The following SCAND3 variants were observed in gnomAD, a reference collection of about 807,000 sequenced individuals.
SCAND3 encodes SCAN domain-containing protein 3.
chr6:28,614,832 A>G, the SCAND3 span, among the ~76,000 whole-genome samples: 1 of 152,174 alleles, frequency 6.6e-6, no homozygotes, highest in Admixed American at 6.5e-5. Flanking sequence ...TCTTCCAAAT[A>G]AAAATATTCC....
chr6:28,612,793 T>G, the SCAND3 span, among the ~76,000 whole-genome samples: 1 of 152,236 alleles, frequency 6.6e-6, no homozygotes, highest in Non-Finnish European at 1.5e-5. Context: ...TATCTGAAAG[T>G]GTCTTCTAAA....
At chr6:28,599,577 T>G in the SCAND3 span, among the ~76,000 whole-genome samples, 1 of 152,212 alleles carries the variant, frequency 6.6e-6, no homozygotes, top group Non-Finnish European at 1.5e-5. Flanking sequence ...TCATGAGATA[T>G]GATGGTTTTA....
chr6:28,579,821 T>C, the SCAND3 span, among the ~76,000 whole-genome samples: 1 of 150,918 alleles, frequency 6.6e-6, no homozygotes, highest in East Asian at 2.0e-4. The surrounding 1 kb of genome is among the most constrained non-coding windows in gnomAD (Gnocchi z 4.5). Flanking sequence ...TCGAGGCAGG[T>C]GGATCACCTG....
chr6:28,573,905 A>G, the SCAND3 span: 1 of 1,385,496 alleles, frequency 7.2e-7, no homozygotes. Flanking sequence ...ACAAGTTAAA[A>G]ACTAGATTTG....
At chr6:28,574,144 G>A in the SCAND3 span, among the ~76,000 whole-genome samples, 1 of 152,098 alleles carries the variant, frequency 6.6e-6, no homozygotes, top group Non-Finnish European at 1.5e-5. Flanking sequence ...AGTAAGATGA[G>A]TCCATTAATC....
chr6:28,610,418 G>A, the SCAND3 span, among the ~76,000 whole-genome samples: 1 of 152,098 alleles, frequency 6.6e-6, no homozygotes, highest in Non-Finnish European at 1.5e-5. Context: ...AGCTACTCAG[G>A]AGGCTGAGGC....
the SCAND3 span, chr6:28,587,268 G>A: frequency 6.5e-6 from 1 of 153,150 alleles, no homozygotes; most frequent in Non-Finnish European, 1.5e-5. Flanking sequence ...TACAGCTCAG[G>A]TGGAGGTTCC....
chr6:28,587,729 A>C, the SCAND3 span: 1 of 152,084 alleles, frequency 6.6e-6, no homozygotes, highest in Admixed American at 6.5e-5. Flanking sequence ...ACTTAAAAAG[A>C]AATGTAAGAG....
the SCAND3 span, among the ~76,000 whole-genome samples, chr6:28,614,757 G>C: frequency 1.3e-5 from 2 of 150,336 alleles, no homozygotes; most frequent in African/African-American, 4.9e-5. Flanking sequence ...GAGCCATCGT[G>C]CTGGTCCTGC....
the SCAND3 span, among the ~76,000 whole-genome samples, chr6:28,602,254 G>T: frequency 6.6e-6 from 1 of 152,156 alleles, no homozygotes; most frequent in Non-Finnish European, 1.5e-5. Flanking sequence ...CTGTCACCCA[G>T]GCTGGAGTGC....
At chr6:28,593,958 G>T in the SCAND3 span, among the ~76,000 whole-genome samples, 4 of 152,146 alleles carry the variant, frequency 2.6e-5, no homozygotes, top group Non-Finnish European at 4.4e-5. Context: ...GGGCTCAAGC[G>T]ATCCTTCCAC....
chr6:28,571,599 C>A, the SCAND3 span: 2 of 261,884 alleles, frequency 7.6e-6, no homozygotes, highest in East Asian at 9.1e-5. Flanking sequence ...TCTTAACATG[C>A]TAATGAAATA....
the SCAND3 span, chr6:28,589,862 T>TTTG: frequency 1.3e-5 from 2 of 149,584 alleles, no homozygotes; most frequent in Non-Finnish European, 3.0e-5. Flanking sequence ...GTTTGTTTTT[T>TTTG]TTTTTTTTTT....
the SCAND3 span, chr6:28,597,734 C>G: frequency 6.6e-6 from 1 of 152,248 alleles, no homozygotes; most frequent in African/African-American, 2.4e-5. Flanking sequence ...CTGGCTCCAG[C>G]TAGCTCCTCT....
At chr6:28,600,366 C>T in the SCAND3 span, among the ~76,000 whole-genome samples, 6 of 152,192 alleles carry the variant, frequency 3.9e-5, no homozygotes, top group Non-Finnish European at 7.3e-5. Context: ...GGAGTGGTGG[C>T]TCATGCCTGT....
At chr6:28,613,765 G>A in the SCAND3 span, among the ~76,000 whole-genome samples, 29 of 152,054 alleles carry the variant, frequency 1.9e-4, no homozygotes, top group Admixed American at 2.6e-4. Flanking sequence ...TGACTCATTT[G>A]TTTATTATAA....
the SCAND3 span, among the ~76,000 whole-genome samples, chr6:28,606,547 T>C: frequency 2.0e-5 from 3 of 152,160 alleles, no homozygotes; most frequent in Admixed American, 6.5e-5. Flanking sequence ...CCCCACCAGT[T>C]TGGCTTAGCA....
At chr6:28,611,728 T>C in the SCAND3 span, among the ~76,000 whole-genome samples, 1 of 152,226 alleles carries the variant, frequency 6.6e-6, no homozygotes, top group Admixed American at 6.5e-5. Flanking sequence ...CTAGACAATT[T>C]TGGTGAAAGG....
the SCAND3 span, among the ~76,000 whole-genome samples, chr6:28,597,232 T>C: frequency 2.6e-5 from 4 of 152,202 alleles, no homozygotes; most frequent in Non-Finnish European, 4.4e-5. Context: ...TTAAGATACA[T>C]TTAGTAATTT....
Sources: gnomAD v4.1 joint callset for allele counts (sites outside exome capture counted in the v4.1 genomes callset) on GRCh38, gnomAD v4.1.1 for gene constraint, Gnocchi (gnomAD v3.1) non-coding constraint, MANE v1.5 for transcripts, NCBI Gene and HGNC (gene_info 2026-07-23, HGNC 2026-07-21) for gene names.